Variants in TSHZ2 observed in about 807,000 individuals in gnomAD.
TSHZ2 encodes the protein teashirt homolog 2.
In TSHZ2, 21 loss-of-function variants were observed where a neutral mutation model predicts 74.4. That is an observed-to-expected ratio of 0.28 (90% CI 0.20 to 0.41). The LOEUF is 0.41. Ranked by LOEUF, TSHZ2 falls within the 10% of genes least tolerant of loss-of-function variation. The pLI is 1.00. For synonymous variants in TSHZ2, 540 were observed against 515.3 expected (o/e 1.05, Z -0.65); for missense variants, 1,244 against 1,293.5 (o/e 0.96, Z 0.59).
chr20:53,066,312 A>C (rs1984984761), intron 1 of TSHZ2, among the ~76,000 whole-genome samples: 1 of 152,122 alleles, frequency 6.6e-6, no homozygotes, highest in Non-Finnish European at 1.5e-5. Flanking sequence ...GTCAGGACAC[A>C]GAGCTGCTTC....
intron 1 of TSHZ2, among the ~76,000 whole-genome samples, chr20:53,193,911 A>T (rs931892521): frequency 6.6e-6 from 1 of 152,234 alleles, no homozygotes; most frequent in Non-Finnish European, 1.5e-5. Context: ...AGCATTCCGC[A>T]TAAAAGACAA....
chr20:53,196,366 T>A (rs1182116526), intron 1 of TSHZ2: 6 of 109,692 alleles, frequency 5.5e-5, no homozygotes, highest in East Asian at 2.8e-4. Flanking sequence ...AATCTGCTGC[T>A]AAAAAAAAAA....
intron 2 of TSHZ2, among the ~76,000 whole-genome samples, chr20:53,264,993 A>G (rs542138573): frequency 3.3e-5 from 5 of 152,302 alleles, no homozygotes; most frequent in Admixed American, 1.3e-4. Flanking sequence ...AAGCGGTAAG[A>G]GTACCTGCTC....
At chr20:53,428,246 C>T (rs1307385045) in intron 2 of TSHZ2, among the ~76,000 whole-genome samples, 8 of 152,216 alleles carry the variant, frequency 5.3e-5, no homozygotes, top group Non-Finnish European at 1.2e-4. Context: ...CTTTCACAAA[C>T]TCAGTCTTCT....
intron 2 of TSHZ2, among the ~76,000 whole-genome samples, chr20:53,362,726 G>A (rs918497088): frequency 3.3e-5 from 5 of 152,194 alleles, no homozygotes; most frequent in Non-Finnish European, 7.3e-5. Context: ...TTTACCATAT[G>A]TTCTAGTATG....
At chr20:53,166,181 T>C (rs1988057086) in intron 1 of TSHZ2, among the ~76,000 whole-genome samples, 1 of 152,230 alleles carries the variant, frequency 6.6e-6, no homozygotes, top group South Asian at 2.1e-4. Context: ...GTTTTGTTAT[T>C]AAAAGATTTC....
chr20:53,132,638 C>A (rs766890783), intron 1 of TSHZ2, among the ~76,000 whole-genome samples: 4 of 151,122 alleles, frequency 2.6e-5, no homozygotes, highest in African/African-American at 9.7e-5. Context: ...CCACAAAGGT[C>A]CCCCTCTCTT....
intron 2 of TSHZ2, among the ~76,000 whole-genome samples, chr20:53,475,164 G>A (rs1264365016): frequency 7.1e-6 from 1 of 140,446 alleles, no homozygotes; most frequent in Non-Finnish European, 1.5e-5. Flanking sequence ...GGACCTAATG[G>A]ACATCTACAT....
chr20:52,981,346 G>A (rs750046692), intron 1 of TSHZ2, among the ~76,000 whole-genome samples: 5 of 152,144 alleles, frequency 3.3e-5, no homozygotes, highest in Admixed American at 6.5e-5. Flanking sequence ...TTATTCGGCC[G>A]CGTAAACTTG....
intron 1 of TSHZ2, among the ~76,000 whole-genome samples, chr20:53,039,967 G>T (rs868129829): frequency 6.6e-6 from 1 of 152,002 alleles, no homozygotes; most frequent in Non-Finnish European, 1.5e-5. Context: ...TTAGCCAGGC[G>T]TGGAGGTGCA....
chr20:53,363,206 T>C (rs1981132385), intron 2 of TSHZ2, among the ~76,000 whole-genome samples: 1 of 152,240 alleles, frequency 6.6e-6, no homozygotes, highest in Admixed American at 6.5e-5. Flanking sequence ...TGGATTGGCT[T>C]CTGGCCTTTT....
At chr20:53,473,975 T>A (rs1296156012) in intron 2 of TSHZ2, among the ~76,000 whole-genome samples, 1 of 151,594 alleles carries the variant, frequency 6.6e-6, no homozygotes, top group African/African-American at 2.4e-5. Flanking sequence ...TAAAAAGAAA[T>A]GAGCAAAGCC....
At chr20:53,365,678 T>C (rs1981233865) in intron 2 of TSHZ2, among the ~76,000 whole-genome samples, 1 of 152,210 alleles carries the variant, frequency 6.6e-6, no homozygotes, top group Non-Finnish European at 1.5e-5. Flanking sequence ...CTGGCAATGC[T>C]TACTCTACCA....
intron 1 of TSHZ2, among the ~76,000 whole-genome samples, chr20:53,038,423 T>C (rs907702381): frequency 6.6e-6 from 1 of 152,106 alleles, no homozygotes; most frequent in African/African-American, 2.4e-5. Flanking sequence ...ACGGCCTGTC[T>C]ACTCCTACCA....
chr20:53,433,231 G>A (rs1287964113), intron 2 of TSHZ2, among the ~76,000 whole-genome samples: 1 of 152,162 alleles, frequency 6.6e-6, no homozygotes, highest in Non-Finnish European at 1.5e-5. Flanking sequence ...TCCGGGCACT[G>A]TGGCTTACAC....
chr20:53,257,729 C>G (rs1004857477), intron 2 of TSHZ2, among the ~76,000 whole-genome samples: 1 of 152,216 alleles, frequency 6.6e-6, no homozygotes, highest in African/African-American at 2.4e-5. Flanking sequence ...GGGAACCCAA[C>G]CTGAACTAAA....
chr20:53,058,252 T>A (rs1444160522), intron 1 of TSHZ2, among the ~76,000 whole-genome samples: 1 of 152,078 alleles, frequency 6.6e-6, no homozygotes, highest in African/African-American at 2.4e-5. Flanking sequence ...CTGGTATGGG[T>A]CTGTAGCCCC....
intron 2 of TSHZ2, among the ~76,000 whole-genome samples, chr20:53,302,701 G>A (rs772309381): frequency 1.3e-5 from 2 of 152,172 alleles, no homozygotes; most frequent in South Asian, 4.1e-4. Context: ...GGAAGGAGAT[G>A]AACATTTTCT....
At chr20:53,435,027 A>G (rs1360228465) in intron 2 of TSHZ2, among the ~76,000 whole-genome samples, 1 of 152,374 alleles carries the variant, frequency 6.6e-6, no homozygotes, top group South Asian at 2.1e-4. Flanking sequence ...AGAGAAAACA[A>G]AACCAAAAAA....
Sources: gnomAD v4.1 joint callset for allele counts (sites outside exome capture counted in the v4.1 genomes callset) on GRCh38, gnomAD v4.1.1 for gene constraint, MANE v1.5 for transcripts, NCBI Gene and HGNC (gene_info 2026-07-23, HGNC 2026-07-21) for gene names.